The following TGFBRAP1 variants were observed in gnomAD, a reference collection of about 807,000 sequenced individuals.
TGFBRAP1 encodes transforming growth factor-beta receptor-associated protein 1.
TGFBRAP1 carries 20 observed loss-of-function variants against 83.2 expected under a neutral mutation model. The observed-to-expected ratio is 0.24, with a 90% CI of 0.17 to 0.35. The LOEUF (loss-of-function observed/expected upper bound fraction) is 0.35. TGFBRAP1 is among the 10% of genes least tolerant of loss of function. The pLI, the probability that TGFBRAP1 is intolerant of heterozygous loss-of-function variation, is 1.00. For synonymous variants in TGFBRAP1, 415 were observed against 459.8 expected, an observed-to-expected ratio of 0.90 and a Z score of 1.25; for missense variants, 950 against 1,099.4, an observed-to-expected ratio of 0.86 and a Z score of 1.92.
At chr2:105,316,462 T>TGTGTGTGCGCGCGC (rs1177329674) in intron 1 of TGFBRAP1, among the ~76,000 whole-genome samples, 39 of 84,810 alleles carry the variant, frequency 4.6e-4, no homozygotes, top group African/African-American at 1.4e-3. Context: ...TGTGTGTGTG[T>TGTGTGTGCGCGCGC]GCGCGCGCGC....
the TGFBRAP1 span, among the ~76,000 whole-genome samples, chr2:105,256,759 T>C: frequency 1.3e-5 from 2 of 152,176 alleles, no homozygotes; most frequent in African/African-American, 4.8e-5. Context: ...TGAAACCTAC[T>C]GGGCTGCATT....
the TGFBRAP1 span, among the ~76,000 whole-genome samples, chr2:105,258,637 G>A: frequency 1.3e-5 from 2 of 151,760 alleles, no homozygotes; most frequent in African/African-American, 4.8e-5. Context: ...GCTGATGGCA[G>A]AACATAGAAA....
chr2:105,282,941 C>T (rs1012028362), intron 5 of TGFBRAP1, among the ~76,000 whole-genome samples: 3 of 152,098 alleles, frequency 2.0e-5, no homozygotes, highest in African/African-American at 7.2e-5. Context: ...GGAATGTCAT[C>T]CTAATAACAG....
At chr2:105,299,848 A>G (rs1452026483) in intron 2 of TGFBRAP1, among the ~76,000 whole-genome samples, 1 of 152,210 alleles carries the variant, frequency 6.6e-6, no homozygotes, top group Non-Finnish European at 1.5e-5. Flanking sequence ...AGAGGAGTCC[A>G]GGACAAGCAC....
At position 105,308,327 on chromosome 2, in the gene TGFBRAP1, G is replaced by A. The variant is rs764088067; in HGVS notation, c.-17-9C>T. The A allele has an allele frequency of 5.7e-6, 9 of 1,577,588 alleles. No homozygotes were observed. Among genetic ancestry groups the A allele is most frequent in the Non-Finnish European group, 7.8e-6 (9 of 1,156,978 alleles). On this transcript the variant is annotated splice_polypyrimidine_tract_variant and intron_variant, in intron 1 of 11. Coordinates refer to ENST00000393359, the MANE Select transcript of TGFBRAP1 (RefSeq NM_004257.6). Reference sequence around the variant, plus strand: ...GTCTACTGGCTGATCTGCTGGAAGAGAAAGAGGAAAACTAATTTTAGAGGA... The same window carrying A: ...GTCTACTGGCTGATCTGCTGGAAGAAAAAGAGGAAAACTAATTTTAGAGGA...
intron 4 of TGFBRAP1, among the ~76,000 whole-genome samples, chr2:105,292,737 G>A (rs1365339297): frequency 6.6e-6 from 1 of 152,130 alleles, no homozygotes; most frequent in Non-Finnish European, 1.5e-5. Context: ...TGAACAGAGT[G>A]AAGGAGAGAA....
chr2:105,251,585 C>T, the TGFBRAP1 span, among the ~76,000 whole-genome samples: 3 of 151,368 alleles, frequency 2.0e-5, no homozygotes, highest in South Asian at 6.3e-4. Flanking sequence ...TCTGCCCGGC[C>T]GCCCCTACTG....
intron 9 of TGFBRAP1, 70 bp downstream of exon 9, chr2:105,273,474 C>T: frequency 1.3e-6 from 2 of 1,581,854 alleles, no homozygotes; most frequent in South Asian, 1.2e-5. Context: ...GAATCACATG[C>T]CAAAAAGTGT....
chr2:105,325,124 T>A (rs1349713217), intron 1 of TGFBRAP1: 1 of 152,312 alleles, frequency 6.6e-6, no homozygotes, highest in Non-Finnish European at 1.5e-5. Context: ...GTCATGCTGG[T>A]AAGTAGAGAG....
At chr2:105,312,592 A>T (rs1333045486) in intron 1 of TGFBRAP1, among the ~76,000 whole-genome samples, 1 of 152,230 alleles carries the variant, frequency 6.6e-6, no homozygotes, top group East Asian at 1.9e-4. Flanking sequence ...ATAAATCAGT[A>T]ATAGTATAAA....
At chr2:105,322,458 C>A (rs1679095736) in intron 1 of TGFBRAP1, among the ~76,000 whole-genome samples, 1 of 152,194 alleles carries the variant, frequency 6.6e-6, no homozygotes, top group South Asian at 2.1e-4. Flanking sequence ...CTCACTGACT[C>A]ACCCAGAGAA....
rs754705528 is a variant in TGFBRAP1 at position 105,273,025 on chromosome 2, CAG to C, written c.1813-13_1813-12del. ...GTGATACTCTTCTTTCTGCAGGAAA[CAG>C]GGGGAGCCAAGCAGACAGACAGTGT... On this transcript the variant is annotated splice_polypyrimidine_tract_variant and intron_variant, in intron 9 of 11. Transcript: ENST00000393359. 2.4e-5 allele frequency: 38 copies of C among 1,606,986 alleles called. No homozygotes were observed. Among genetic ancestry groups the C allele is most frequent in the South Asian group, 5.5e-5 (5 of 90,876 alleles).
At chr2:105,254,335 G>T in the TGFBRAP1 span, among the ~76,000 whole-genome samples, 7 of 152,158 alleles carry the variant, frequency 4.6e-5, no homozygotes, top group Admixed American at 2.0e-4. Flanking sequence ...GGCAGGCTGT[G>T]TCAGGCTCCT....
In TGFBRAP1 at chr2:105,298,533, G is replaced by A. The variant is rs769536910; in HGVS notation, c.861C>T (p.Gly287=). 2.5e-6 allele frequency: 4 copies of A among 1,607,092 alleles called. No individual in the cohort carries two copies. The African/African-American group carries it at 4.0e-5, about 16-fold the overall frequency. ...TACCTTCAAAGTCCTGTAGGATATG[G>A]CCCTCCTTAAAGGGCAGCGTCTGCT... is the stretch of plus-strand genomic sequence containing the variant. The part of the protein sequence containing the change: ...QQKQTLPFKE[G]HILQDFEGRV... Residue 287 remains glycine, a synonymous_variant, in exon 3 of 12, where the codon GGC becomes GGT. Transcript: ENST00000393359.
At chr2:105,272,311 G>A (rs766568492) in intron 10 of TGFBRAP1, among the ~76,000 whole-genome samples, 1 of 152,192 alleles carries the variant, frequency 6.6e-6, no homozygotes, top group Non-Finnish European at 1.5e-5. Flanking sequence ...CGAGGGACCT[G>A]AGCCTTGAGC....
chr2:105,313,955 T>A lies in TGFBRAP1; in HGVS notation c.-17-5637A>T, dbSNP rs147546367. 1.6e-4 allele frequency among the ~76,000 whole-genome samples: 25 copies of A among 152,258 alleles called. 1 individual carries two copies. The East Asian group carries it at 3.5e-3, about 21-fold the overall frequency. On this transcript the variant is annotated intron_variant, in intron 1 of 11. Coordinates refer to ENST00000393359, the MANE Select transcript of TGFBRAP1 (RefSeq NM_004257.6). Reference sequence around the variant, plus strand: ...GGTTGAAATGACTCTCCCCCAATCATGCTGAAGTCCTAACCCCCAGTACCC... The same window carrying A: ...GGTTGAAATGACTCTCCCCCAATCAAGCTGAAGTCCTAACCCCCAGTACCC...
At chr2:105,259,080 G>C in the TGFBRAP1 span, among the ~76,000 whole-genome samples, 2 of 152,226 alleles carry the variant, frequency 1.3e-5, no homozygotes, top group Admixed American at 6.5e-5. Flanking sequence ...AGTTTGATGT[G>C]ATGTGACAGC....
Position 105,269,236 on chromosome 2 carries a change from C to G in TGFBRAP1, c.2406+36G>C. On this transcript the variant is annotated intron_variant, in intron 11 of 11. Coordinates refer to ENST00000393359, the MANE Select transcript of TGFBRAP1 (RefSeq NM_004257.6). This position sits in a 1 kb window ranked among gnomAD's most constrained non-coding sequence, Gnocchi z 4.1. ...AAATCTACCTTCAGTACAATGTTGA[C>G]TGACCAGGAAGCAGCTCGTGGGGGC... 6.5e-7 allele frequency: 1 copy of G among 1,540,508 alleles called. No individual in the cohort carries two copies. Among genetic ancestry groups the G allele is most frequent in the South Asian group, 1.2e-5 (1 of 80,156 alleles).
intron 1 of TGFBRAP1, among the ~76,000 whole-genome samples, chr2:105,310,269 C>T (rs563424629): frequency 6.6e-6 from 1 of 152,246 alleles, no homozygotes; most frequent in East Asian, 1.9e-4. Context: ...CTATGATTCC[C>T]TCCCAGTCTG....
Sources: gnomAD v4.1 joint callset for allele counts (sites outside exome capture counted in the v4.1 genomes callset) on GRCh38, gnomAD v4.1.1 for gene constraint, Gnocchi (gnomAD v3.1) non-coding constraint, MANE v1.5 for transcripts, NCBI Gene and HGNC (gene_info 2026-07-23, HGNC 2026-07-21) for gene names.